Variants in PRIMPOL observed in about 807,000 individuals in gnomAD.
The protein encoded by PRIMPOL is DNA-directed primase/polymerase protein.
Under a neutral mutation model 63.6 loss-of-function variants are expected in PRIMPOL, and 54 were observed. The observed-to-expected ratio is 0.85, with a 90% CI of 0.68 to 1.07. PRIMPOL has a LOEUF of 1.07. PRIMPOL is among the 50% of genes least tolerant of loss of function. PRIMPOL has a pLI of 0.00. For missense variants in PRIMPOL, 610 were observed against 648.3 expected (o/e 0.94, Z 0.64); for synonymous variants, 197 against 220.2 (o/e 0.89, Z 0.93).
chr4:184,667,501 G>A (rs527631831), intron 6 of PRIMPOL, among the ~76,000 whole-genome samples: 16 of 152,244 alleles, frequency 1.1e-4, no homozygotes, highest in South Asian at 2.1e-4. Context: ...TAGTAGAGGC[G>A]GAGTTTCACC....
chr4:184,656,057 G>A (rs534845997), intron 2 of PRIMPOL, among the ~76,000 whole-genome samples: 14 of 152,268 alleles, frequency 9.2e-5, no homozygotes, highest in African/African-American at 2.4e-4. Flanking sequence ...CTGGATGTCC[G>A]GAATGGCCCA....
chr4:184,692,670 A>G (rs1759105261), intron 13 of PRIMPOL, among the ~76,000 whole-genome samples: 1 of 151,528 alleles, frequency 6.6e-6, no homozygotes, highest in African/African-American at 2.4e-5. Context: ...TTTTTTTTCT[A>G]AAGTATCACA....
At position 184,694,557 on chromosome 4, in the gene PRIMPOL, T is replaced by C. The variant is rs552833326; in HGVS notation, c.1461T>C (p.Thr487=). ...TTACAACAGATGAAGCAGATGAAAC[T>C]AGGAGCAATGAAACCCAGAATCCTC... ...EEFTTDEADE[T]RSNETQNPHK... is the part of the protein sequence containing the mutation. The change falls in exon 14 of 14, where the codon ACT becomes ACC. Residue 487 remains threonine, a synonymous_variant. Coordinates refer to ENST00000314970, the MANE Select transcript of PRIMPOL (RefSeq NM_152683.4). The C allele has an allele frequency of 6.2e-7, 1 of 1,613,986 alleles. No individual in the cohort carries two copies. The highest frequency in any genetic ancestry group is 1.3e-5 in the African/African-American group (1 of 75,030).
chr4:184,685,332 G>A (rs1756721491), intron 9 of PRIMPOL, 77 bp from the exon 10 acceptor site: 1 of 1,074,724 alleles, frequency 9.3e-7, no homozygotes, highest in Non-Finnish European at 1.4e-6. Flanking sequence ...CCGTAATTGT[G>A]CTCAACAACA....
Position 184,657,317 on chromosome 4 carries a change from A to C in PRIMPOL, c.177A>C (p.Lys59Asn). The change falls in exon 3 of 14, where the codon AAA becomes AAC. Residue 59 changes from lysine to asparagine, a missense_variant. This residue lies in a region of PRIMPOL where 159 missense variants were observed against 168.9 expected (regional missense o/e 0.94). Transcript: ENST00000314970. ...AQAFNFVKSCKEDVHVFALEC... is the reference protein window; with the variant it reads ...AQAFNFVKSCNEDVHVFALEC... ...CTTTTAATTTTGTTAAAAGCTGTAA[A>C]GAAGTAATTTCCTCCTCCTCCTCTT... The C allele has an allele frequency of 6.2e-7, 1 of 1,606,190 alleles. No individual in the cohort carries two copies. The highest frequency in any genetic ancestry group is 8.5e-7 in the Non-Finnish European group (1 of 1,176,844).
Position 184,690,824 on chromosome 4 carries a change from T to C in PRIMPOL, c.1296-675T>C, listed in dbSNP as rs1321563819. On this transcript the variant is annotated intron_variant, in intron 11 of 13. Coordinates refer to ENST00000314970, the MANE Select transcript of PRIMPOL (RefSeq NM_152683.4). ...TTTCACATATTTTAATATGTACACTTCCAGTCCACTCAGGTCTAAGCGTTT... is the reference window on the plus strand; with the variant it reads ...TTTCACATATTTTAATATGTACACTCCCAGTCCACTCAGGTCTAAGCGTTT... Among the ~76,000 whole-genome samples, 5 of 152,236 alleles carry C rather than the reference T, an allele frequency of 3.3e-5. No homozygotes were observed. In the East Asian group the frequency reaches 9.6e-4, roughly 29 times the overall value.
chr4:184,685,545 A>G, intron 10 of PRIMPOL, 31 bp from the exon 11 acceptor site: 1 of 1,593,448 alleles, frequency 6.3e-7, no homozygotes, highest in East Asian at 2.2e-5. Flanking sequence ...ATAGAGTGAT[A>G]GTAGCTTTAG....
chr4:184,685,450 G>A lies in PRIMPOL; in HGVS notation c.1138G>A (p.Val380Ile), dbSNP rs1414299594. ...EGFQCSPYPE[V>I]DHFVLSLVNK... ...TTTTCAGTGTTCTCCCTATCCTGAA[G>A]TTGATCATTTTGTTCTTTCTTTGGT... is the stretch of plus-strand genomic sequence containing the variant. The change falls in exon 10 of 14, where the codon GTT (valine) becomes ATT (isoleucine). Residue 380 changes from valine to isoleucine, a missense_variant. By Grantham distance (29) the Val-to-Ile change is conservative. Around this residue, in one of 3 missense-constraint regions of PRIMPOL, gnomAD observed 444 missense variants for 456.4 expected, o/e 0.97. Coordinates refer to ENST00000314970, the MANE Select transcript of PRIMPOL (RefSeq NM_152683.4). 6.2e-7 allele frequency: 1 copy of A among 1,613,404 alleles called. No individual in the cohort carries two copies. The highest frequency in any genetic ancestry group is 1.7e-5 in the Admixed American group (1 of 60,016).
intron 7 of PRIMPOL, among the ~76,000 whole-genome samples, chr4:184,673,430 C>CTT (rs60728743): frequency 0.066 from 8,954 of 135,756 alleles, 988 homozygotes; most frequent in African/African-American, 0.23. Flanking sequence ...CGCCCAGCCT[C>CTT]TTTTTTTTTT....
chr4:184,665,708 T>C (rs973715401), intron 5 of PRIMPOL, among the ~76,000 whole-genome samples: 1 of 151,938 alleles, frequency 6.6e-6, no homozygotes, highest in African/African-American at 2.4e-5. Flanking sequence ...TTTTACCATG[T>C]TGGCTAGGCT....
Position 184,691,486 on chromosome 4 carries a change from TTTA to T in PRIMPOL, c.1296-12_1296-10del. ...TTGGTATTAATACTTTTTTTTTTTT[TTTA>T]AACATAAAGGATTCTGGTTGATCTG... On this transcript the variant is annotated splice_polypyrimidine_tract_variant and intron_variant, in intron 11 of 13. Transcript: ENST00000314970. The T allele has an allele frequency of 2.0e-6, 3 of 1,521,476 alleles. No homozygotes were observed. The highest frequency in any genetic ancestry group is 2.7e-6 in the Non-Finnish European group (3 of 1,112,840). The allele number at this position is 1,521,476 out of a possible 1,614,324, so 94.2% of individuals were successfully genotyped here.
intron 6 of PRIMPOL, among the ~76,000 whole-genome samples, chr4:184,667,468 G>A (rs1012680359): frequency 3.3e-5 from 5 of 152,116 alleles, no homozygotes; most frequent in Non-Finnish European, 7.3e-5. Flanking sequence ...GTGCCACCAT[G>A]CCCGGCTAAG....
At chr4:184,673,999 C>A (rs1166595951) in intron 7 of PRIMPOL, among the ~76,000 whole-genome samples, 1 of 152,188 alleles carries the variant, frequency 6.6e-6, no homozygotes. Flanking sequence ...AGAATATCAT[C>A]TCCGGGTGGG....
chr4:184,672,553 T>C (rs1347834930), intron 7 of PRIMPOL, 93 bp downstream of exon 7: 8 of 1,281,964 alleles, frequency 6.2e-6, no homozygotes, highest in Non-Finnish European at 8.7e-6. Context: ...TCGGGATTCT[T>C]GCTTCCTCCA....
chr4:184,651,655 C>CT (rs535056738), intron 1 of PRIMPOL, among the ~76,000 whole-genome samples: 23 of 150,700 alleles, frequency 1.5e-4, no homozygotes, highest in Non-Finnish European at 1.2e-4. Flanking sequence ...AGTCTGTGAA[C>CT]TTTTTTTTTT....
intron 7 of PRIMPOL, among the ~76,000 whole-genome samples, 162 bp from the exon 8 acceptor site, chr4:184,678,070 A>G (rs1199541708): frequency 1.3e-5 from 2 of 152,172 alleles, no homozygotes; most frequent in East Asian, 1.9e-4. Context: ...GCTGACTGCA[A>G]TTTGTTTTAA....
At chr4:184,691,059 A>T (rs1426559190) in intron 11 of PRIMPOL, among the ~76,000 whole-genome samples, 10 of 152,228 alleles carry the variant, frequency 6.6e-5, no homozygotes, top group Non-Finnish European at 7.3e-5. Context: ...TACCTATTAG[A>T]TCAAACTTCT....
At chr4:184,683,586 A>G (rs1337295943) in intron 9 of PRIMPOL, among the ~76,000 whole-genome samples, 1 of 152,196 alleles carries the variant, frequency 6.6e-6, no homozygotes, top group Non-Finnish European at 1.5e-5. Flanking sequence ...ATCATTTGCT[A>G]TTTAACCTAG....
chr4:184,689,789 C>T (rs1382470881), intron 11 of PRIMPOL, among the ~76,000 whole-genome samples: 1 of 152,106 alleles, frequency 6.6e-6, no homozygotes, highest in Admixed American at 6.6e-5. Context: ...AACCACACCC[C>T]AAAGCCCAGC....
Sources: gnomAD v4.1 joint callset for allele counts (sites outside exome capture counted in the v4.1 genomes callset) on GRCh38, gnomAD v4.1.1 for gene constraint, gnomAD v4.1.1 regional missense constraint, MANE v1.5 for transcripts, NCBI Gene and HGNC (gene_info 2026-07-23, HGNC 2026-07-21) for gene names.